Variants in CEP63 observed in about 807,000 individuals in gnomAD.
The protein encoded by CEP63 is centrosomal protein of 63 kDa.
Under a neutral mutation model 89.1 loss-of-function variants are expected in CEP63, and 84 were observed. The ratio of observed to expected loss-of-function variants is 0.94; its 90% CI spans 0.79 to 1.13. The LOEUF is 1.13. Among genes scored for constraint, CEP63 ranks in the 50% most tolerant of loss-of-function variants. CEP63 has a pLI of 0.00. For synonymous variants in CEP63, 267 were observed against 272.5 expected, an observed-to-expected ratio of 0.98 and a Z score of 0.20; for missense variants, 838 against 813.3, an observed-to-expected ratio of 1.03 and a Z score of -0.37.
chr3:134,600,008 C>T, the CEP63 span, among the ~76,000 whole-genome samples: 6 of 152,354 alleles, frequency 3.9e-5, no homozygotes, highest in East Asian at 1.2e-3. Context: ...CCGGCCCACA[C>T]AACTCAATGC....
At chr3:134,567,865 A>T (rs1957849631), downstream of CEP63, among the ~76,000 whole-genome samples, 1 of 152,178 alleles carries the variant, frequency 6.6e-6, no homozygotes, top group Non-Finnish European at 1.5e-5. Context: ...CTTGGCGCTA[A>T]CCTCAGTGCT....
At chr3:134,764,961 T>G in the CEP63 span, among the ~76,000 whole-genome samples, 3 of 152,176 alleles carry the variant, frequency 2.0e-5, no homozygotes, top group Non-Finnish European at 4.4e-5. Flanking sequence ...ACGTTTTCAC[T>G]CCTTTGAGGT....
At chr3:134,713,605 G>A in the CEP63 span, among the ~76,000 whole-genome samples, 1 of 152,160 alleles carries the variant, frequency 6.6e-6, no homozygotes, top group Non-Finnish European at 1.5e-5. Context: ...CTACCTGGGG[G>A]ATCCCTTCTT....
chr3:134,604,002 G>T, the CEP63 span: 1 of 1,613,720 alleles, frequency 6.2e-7, no homozygotes, highest in African/African-American at 1.3e-5. Context: ...CTTTCAGCTC[G>T]GTCTGCTTCT....
At chr3:134,494,132 T>TTATC (rs1439257093) in intron 1 of CEP63, among the ~76,000 whole-genome samples, 22 of 142,778 alleles carry the variant, frequency 1.5e-4, no homozygotes, top group Middle Eastern at 3.6e-3. Flanking sequence ...ATTTATTTAT[T>TTATC]TGAGATGGAA....
chr3:134,771,530 C>A, the CEP63 span, among the ~76,000 whole-genome samples: 1 of 149,394 alleles, frequency 6.7e-6, no homozygotes, highest in Non-Finnish European at 1.5e-5. Context: ...TGATAATTTG[C>A]ATTCCTAAGA....
At chr3:134,530,263 C>G (rs958790195) in intron 3 of CEP63, among the ~76,000 whole-genome samples, 11 of 152,182 alleles carry the variant, frequency 7.2e-5, no homozygotes, top group African/African-American at 2.4e-4. Flanking sequence ...CTTTATGGGT[C>G]TTTGATTCCA....
At chr3:134,491,838 G>A (rs1559851861) in intron 1 of CEP63, among the ~76,000 whole-genome samples, 2 of 152,088 alleles carry the variant, frequency 1.3e-5, no homozygotes, top group African/African-American at 2.4e-5. Context: ...TGAAGGTTAG[G>A]CATATCCCTT....
the CEP63 span, chr3:134,780,735 T>C: frequency 6.6e-6 from 1 of 152,258 alleles, no homozygotes; most frequent in South Asian, 2.1e-4. Flanking sequence ...TCTCAGTGTA[T>C]GGCTTAACTA....
At chr3:134,642,997 TG>T in the CEP63 span, among the ~76,000 whole-genome samples, 1 of 152,194 alleles carries the variant, frequency 6.6e-6, no homozygotes, top group African/African-American at 2.4e-5. Flanking sequence ...GCAGGGTGTC[TG>T]GCACATAGTT....
chr3:134,672,613 ACACT>A, the CEP63 span, among the ~76,000 whole-genome samples: 1 of 152,192 alleles, frequency 6.6e-6, no homozygotes, highest in African/African-American at 2.4e-5. Flanking sequence ...TCTTTCTTGA[ACACT>A]CTCATTCCGG....
Position 134,546,288 on chromosome 3 carries a change from G to A in CEP63, c.929G>A (p.Arg310Lys). 2 of 1,612,648 alleles carry A rather than the reference G, an allele frequency of 1.2e-6. No homozygotes were observed. The highest frequency in any genetic ancestry group is 3.3e-4 in the Middle Eastern group (2 of 6,050). Residue 310 changes from arginine (R) to lysine (K), a missense_variant and splice_region_variant, in exon 8 of 15, where the codon AGG becomes AAG. Transcript: ENST00000675561. ...TNTQHAVEAI[R>K]PREESLAEKK... is the part of the protein sequence containing the mutation. ...ACTCAACATGCTGTAGAAGCTATAA[G>A]GTAAATTTAATCTTAAATATTATTC...
At chr3:134,638,603 C>T in the CEP63 span, among the ~76,000 whole-genome samples, 3 of 152,350 alleles carry the variant, frequency 2.0e-5, no homozygotes, top group African/African-American at 2.4e-5. Flanking sequence ...ATCTTGAGAA[C>T]GGGCTCCCTG....
chr3:134,531,930 T>C lies in CEP63; in HGVS notation c.308T>C (p.Leu103Pro), dbSNP rs1271531092. 2 of 1,609,432 alleles carry C rather than the reference T, an allele frequency of 1.2e-6. No homozygotes were observed. Among genetic ancestry groups the C allele is most frequent in the Non-Finnish European group, 1.7e-6 (2 of 1,175,958 alleles). The change falls in exon 4 of 15, where the codon CTA becomes CCA. Residue 103 changes from leucine (L) to proline (P), a missense_variant. Physicochemically the swap from Leu to Pro is moderately conservative, Grantham distance 98 (BLOSUM62 -3). Coordinates refer to ENST00000675561, the MANE Select transcript of CEP63 (RefSeq NM_001353108.3). Reference sequence around the variant, plus strand: ...GAATATAAGCAGGAGTTGAAGAAACTACATGAAGAAGTGAGATTTTAGTTT... The same window carrying C: ...GAATATAAGCAGGAGTTGAAGAAACCACATGAAGAAGTGAGATTTTAGTTT... ...TMEYKQELKKLHEELCILKRS... is the reference protein window; with the variant it reads ...TMEYKQELKKPHEELCILKRS...
the CEP63 span, chr3:134,651,308 T>C: frequency 4.2e-6 from 5 of 1,181,854 alleles, no homozygotes; most frequent in South Asian, 8.1e-5. Context: ...CTTGAAGCGC[T>C]GGTCCTGGGC....
At chr3:134,572,965 A>T (rs1459870497) in intron 11 of CEP63, among the ~76,000 whole-genome samples, 1 of 152,084 alleles carries the variant, frequency 6.6e-6, no homozygotes. Flanking sequence ...CTGATAGGAG[A>T]TGGTTATCTC....
the CEP63 span, among the ~76,000 whole-genome samples, chr3:134,697,933 T>C: frequency 6.6e-6 from 1 of 152,182 alleles, no homozygotes; most frequent in East Asian, 1.9e-4. Flanking sequence ...TGGAGCAGAA[T>C]GTGGGTTGTC....
At chr3:134,616,815 C>G in the CEP63 span, among the ~76,000 whole-genome samples, 1 of 152,134 alleles carries the variant, frequency 6.6e-6, no homozygotes, top group Admixed American at 6.5e-5. Context: ...GGACTCCAAT[C>G]AATACTCAAG....
the CEP63 span, among the ~76,000 whole-genome samples, chr3:134,757,404 A>T: frequency 6.6e-6 from 1 of 152,202 alleles, no homozygotes; most frequent in African/African-American, 2.4e-5. Context: ...AAATAATTTC[A>T]TGGTCAAACA....
Sources: gnomAD v4.1 joint callset for allele counts (sites outside exome capture counted in the v4.1 genomes callset) on GRCh38, gnomAD v4.1.1 for gene constraint, MANE v1.5 for transcripts, NCBI Gene and HGNC (gene_info 2026-07-23, HGNC 2026-07-21) for gene names.